Variants in MBIP observed in about 807,000 individuals in gnomAD.
MBIP encodes the protein MAP3K12 binding inhibitory protein 1.
A neutral mutation model predicts 45.7 loss-of-function variants in MBIP; 32 were observed. The ratio of observed to expected loss-of-function variants is 0.70; its 90% CI spans 0.53 to 0.94. The LOEUF (loss-of-function observed/expected upper bound fraction) is 0.94. MBIP is among the 40% of genes least tolerant of loss of function. The pLI is 0.00. For missense variants in MBIP, 381 were observed against 405.5 expected (o/e 0.94, Z 0.52); for synonymous variants, 145 against 141.0 (o/e 1.03, Z -0.20).
intron 7 of MBIP, among the ~76,000 whole-genome samples, chr14:36,301,622 T>C (rs765326898): frequency 3.3e-5 from 5 of 152,184 alleles, no homozygotes; most frequent in Non-Finnish European, 7.3e-5. Context: ...AATTATGATT[T>C]AGCCACTGAA....
At chr14:36,300,206 T>G (rs1216280413) in intron 8 of MBIP, among the ~76,000 whole-genome samples, 1 of 152,204 alleles carries the variant, frequency 6.6e-6, no homozygotes, top group African/African-American at 2.4e-5. Flanking sequence ...AATTCTCTCT[T>G]GAGGGATCAA....
chr14:36,317,886 C>A (rs1022839450), intron 1 of MBIP, among the ~76,000 whole-genome samples: 2 of 151,676 alleles, frequency 1.3e-5, no homozygotes, highest in Admixed American at 6.6e-5. Context: ...GTACAAAGAT[C>A]AAAAAGATAT....
At chr14:36,318,848 T>G (rs1362514870) in intron 1 of MBIP, among the ~76,000 whole-genome samples, 1 of 152,044 alleles carries the variant, frequency 6.6e-6, no homozygotes, top group Admixed American at 6.5e-5. Flanking sequence ...TACTGATTTC[T>G]CTGGGGGCAA....
intron 1 of MBIP, among the ~76,000 whole-genome samples, chr14:36,317,914 G>T (rs1880672806): frequency 6.6e-6 from 1 of 151,900 alleles, no homozygotes; most frequent in Non-Finnish European, 1.5e-5. Flanking sequence ...CCAATAAAAA[G>T]ATAATATATT....
In MBIP at chr14:36,311,977, A is replaced by G. The variant is rs1329178203; in HGVS notation, c.619T>C (p.Phe207Leu). The change falls in exon 5 of 9, where the codon TTT becomes CTT. Residue 207 changes from phenylalanine to leucine, a missense_variant. Physicochemically the swap from Phe to Leu is conservative, Grantham distance 22. Transcript: ENST00000416007. The stretch of plus-strand genomic sequence containing the variant: ...TACTTACCTTTTACGTGACTTTTAA[A>G]TCCGGGGTAAGGGGTAAAAATCGCA... ...TDAIFTPYPG[F>L]KSHVKVSRVV... 6.3e-7 allele frequency: 1 copy of G among 1,596,844 alleles called. No individual in the cohort carries two copies.
At chr14:36,309,591 G>A (rs1016729850) in intron 6 of MBIP, among the ~76,000 whole-genome samples, 11 of 152,190 alleles carry the variant, frequency 7.2e-5, no homozygotes, top group African/African-American at 2.7e-4. Context: ...AAATTTTGAG[G>A]ATTTTAAGAA....
In MBIP at chr14:36,308,304, G is replaced by A. The variant is rs1055996456; in HGVS notation, c.791-115C>T. The A allele has an allele frequency of 5.2e-4, 311 of 595,704 alleles. 2 individuals are homozygous for A. The highest frequency in any genetic ancestry group is 4.5e-4 in the Middle Eastern group (1 of 2,244). The allele number at this position is 595,704 out of a possible 1,614,324, so 36.9% of individuals were successfully genotyped here. A position where few individuals can be genotyped will look rare whatever the true frequency, so the allele number is the denominator to read the frequency against. On this transcript the variant is annotated intron_variant, in intron 6 of 8. Coordinates refer to ENST00000416007, the MANE Select transcript of MBIP (RefSeq NM_016586.3). The stretch of plus-strand genomic sequence containing the variant: ...ATGCAAAGGAATGGAAAATACTTAA[G>A]AAAATAAAAAACAAAAGTAAAACAG...
At chr14:36,314,411 TTG>T in intron 4 of MBIP, 99 bp downstream of exon 4, 1 of 690,814 alleles carries the variant, frequency 1.4e-6, no homozygotes, top group Non-Finnish European at 2.4e-6. Context: ...ATAAATTGAA[TTG>T]TGTTCTAAAA....
chr14:36,304,153 CATG>C (rs1879737086), intron 7 of MBIP, among the ~76,000 whole-genome samples: 1 of 152,298 alleles, frequency 6.6e-6, no homozygotes, highest in East Asian at 1.9e-4. Context: ...GGCCTGTGTA[CATG>C]ATGTTGACCT....
intron 1 of MBIP, among the ~76,000 whole-genome samples, chr14:36,317,498 G>A (rs978058889): frequency 2.0e-5 from 3 of 152,082 alleles, no homozygotes; most frequent in Admixed American, 6.5e-5. Context: ...TTGTCAGACT[G>A]GATGAAATGT....
At chr14:36,314,257 C>T in intron 4 of MBIP, 1 of 366,054 alleles carries the variant, frequency 2.7e-6, no homozygotes, top group Non-Finnish European at 4.9e-6. Flanking sequence ...CCTAAAGGAA[C>T]TTTAAAATAA....
At chr14:36,318,825 T>C (rs1419323175) in intron 1 of MBIP, among the ~76,000 whole-genome samples, 2 of 152,046 alleles carry the variant, frequency 1.3e-5, no homozygotes, top group African/African-American at 4.8e-5. Flanking sequence ...TTTAAAGTGG[T>C]TGCAAAAGAA....
In MBIP at chr14:36,314,914, G is replaced by C; in HGVS notation, c.251C>G (p.Pro84Arg). 5.0e-6 allele frequency: 8 copies of C among 1,603,272 alleles called. No individual in the cohort carries two copies. Among genetic ancestry groups the C allele is most frequent in the African/African-American group, 1.3e-5 (1 of 74,692 alleles). ...ALEQHILYLQ[P>R]FLAKLQSPIK... ...CGGAGACTGAAGTTTTGCTAAAAAA[G>C]GCTGAGAACAACACAATTCCATCTG... Residue 84 changes from proline to arginine, a missense_variant and splice_region_variant, in exon 3 of 9, where the codon CCT (proline) becomes CGT (arginine). Coordinates refer to ENST00000416007, the MANE Select transcript of MBIP (RefSeq NM_016586.3).
chr14:36,303,213 A>C (rs1434551810), intron 7 of MBIP, among the ~76,000 whole-genome samples: 1 of 152,240 alleles, frequency 6.6e-6, no homozygotes, highest in Admixed American at 6.5e-5. Context: ...GTATAGAAGT[A>C]TAAAAGGTGG....
intron 6 of MBIP, among the ~76,000 whole-genome samples, chr14:36,310,290 C>T (rs1880124861): frequency 6.6e-6 from 1 of 152,122 alleles, no homozygotes; most frequent in Non-Finnish European, 1.5e-5. Flanking sequence ...CTAGTATACT[C>T]CAGCTATACT....
chr14:36,305,358 T>A (rs993018014), intron 7 of MBIP: 1 of 152,208 alleles, frequency 6.6e-6, no homozygotes, highest in Non-Finnish European at 1.5e-5. Context: ...TTGTTCTTCC[T>A]TGTAGCTCAC....
intron 7 of MBIP, among the ~76,000 whole-genome samples, chr14:36,304,104 C>T (rs1484598315): frequency 2.0e-5 from 3 of 152,146 alleles, no homozygotes; most frequent in Non-Finnish European, 4.4e-5. Context: ...TCCAGTTGTT[C>T]ACTCATGCTT....
chr14:36,299,713 C>A (rs1363526408), intron 8 of MBIP, among the ~76,000 whole-genome samples: 1 of 152,164 alleles, frequency 6.6e-6, no homozygotes, highest in Non-Finnish European at 1.5e-5. Context: ...TCATTTGAGA[C>A]ATCAACTATC....
In MBIP at chr14:36,308,080, A is replaced by C. The variant is rs1032590588; in HGVS notation, c.888+12T>G. 7 of 1,371,034 alleles carry C rather than the reference A, an allele frequency of 5.1e-6. No individual in the cohort carries two copies. Among genetic ancestry groups the C allele is most frequent in the Non-Finnish European group, 6.2e-6 (6 of 973,696 alleles). The allele number at this position is 1,371,034 out of a possible 1,614,324, so 84.9% of individuals were successfully genotyped here. ...ACATTTTCATTTATTTTTAAAAGAC[A>C]CTTATACTCACTACAGACTGAAAAT... On this transcript the variant is annotated intron_variant, in intron 7 of 8. Coordinates refer to ENST00000416007, the MANE Select transcript of MBIP (RefSeq NM_016586.3).
Sources: allele counts gnomAD v4.1 joint callset (sites outside exome capture counted in the v4.1 genomes callset), GRCh38; gene constraint gnomAD v4.1.1; transcripts MANE v1.5; gene names NCBI Gene and HGNC (gene_info 2026-07-23, HGNC 2026-07-21).